F8: variants seen among roughly 807,000 people sequenced by gnomAD.
The protein encoded by F8 is coagulation factor VIII.
In F8, 12 loss-of-function variants were observed where a neutral mutation model predicts 140.6. The ratio of observed to expected loss-of-function variants is 0.09; its 90% CI spans 0.05 to 0.14. The LOEUF (loss-of-function observed/expected upper bound fraction) is 0.14, where lower values mean the gene tolerates loss of function less well. Among genes scored for constraint, F8 ranks in the 10% least tolerant of loss-of-function variants. The pLI is 1.00. For synonymous variants in F8, 585 were observed against 614.6 expected (o/e 0.95, Z 0.71); for missense variants, 1,354 against 1,720.7 (o/e 0.79, Z 3.77).
rs1557281997 is a variant in F8 at position 154,966,408 on chromosome X, T to C, written c.1271+18A>G. On this transcript the variant is annotated intron_variant, in intron 8 of 25. Coordinates refer to ENST00000360256, the MANE Select transcript of F8 (RefSeq NM_000132.4). ...GAGTATGGGGAAGAGAGAGTACCAATAGTCAAAAAGTGCTTACCTGTCATC... is the reference window on the plus strand; with the variant it reads ...GAGTATGGGGAAGAGAGAGTACCAACAGTCAAAAAGTGCTTACCTGTCATC... The C allele has an allele frequency of 1.1e-5, 13 of 1,210,014 alleles. No individual in the cohort carries two copies. Among genetic ancestry groups the C allele is most frequent in the Middle Eastern group, 2.3e-4 (1 of 4,338 alleles).
chrX:154,946,217 A>G (rs2073303494), intron 13 of F8, among the ~76,000 whole-genome samples: 1 of 112,386 alleles, frequency 8.9e-6, no homozygotes, highest in Non-Finnish European at 1.9e-5. Context: ...ACAGAAATAG[A>G]AAAAAGAATC....
At chrX:154,850,632 G>A (rs183096691) in intron 25 of F8, among the ~76,000 whole-genome samples, 60 of 110,166 alleles carry the variant, frequency 5.4e-4, no homozygotes, top group South Asian at 2.4e-3. Flanking sequence ...GGCCTCTCTC[G>A]TTGGCTTGTA....
intron 13 of F8, among the ~76,000 whole-genome samples, chrX:154,940,635 C>T (rs1177464128): frequency 9.0e-6 from 1 of 111,498 alleles, no homozygotes; most frequent in Non-Finnish European, 1.9e-5. Context: ...GCAAGGCAGG[C>T]CAACATTCAA....
rs137852467 is a variant in F8, at chrX:154,863,113, G to A, written c.6544C>T (p.Arg2182Cys). 2 of 1,209,335 alleles carry A rather than the reference G, an allele frequency of 1.7e-6. No individual in the cohort carries two copies. The highest frequency in any genetic ancestry group is 1.8e-5 in the African/African-American group (1 of 57,118). ...PTHYSIRSTL[R>C]MELMGCDLNS... Reference sequence around the variant, plus strand: ...AAATCACAGCCCATCAACTCCATGCGAAGAGTGCTGCGAATGCTATAATGA... The same window carrying A: ...AAATCACAGCCCATCAACTCCATGCAAAGAGTGCTGCGAATGCTATAATGA... The change falls in exon 23 of 26, where the codon CGC becomes TGC. Residue 2182 changes from arginine (R) to cysteine (C), a missense_variant. Transcript: ENST00000360256.
At chrX:154,879,243 G>A (rs782082667) in intron 22 of F8, among the ~76,000 whole-genome samples, 1 of 111,855 alleles carries the variant, frequency 8.9e-6, no homozygotes, top group Non-Finnish European at 1.9e-5. Context: ...TCAAAACTTC[G>A]TATAAAGCTA....
In F8 at chrX:154,836,803, C is replaced by G. The variant is rs1223054066; in HGVS notation, c.*794G>C. On this transcript the variant is annotated 3_prime_UTR_variant, in exon 26 of 26. Coordinates refer to ENST00000360256, the MANE Select transcript of F8 (RefSeq NM_000132.4). ...CAAAGCTTTCAACAATTGCATCCTC[C>G]TGACTTATTTTTTTATTGGTCAGAA... 8.9e-5 allele frequency: 10 copies of G among 111,886 alleles called. No homozygotes were observed. Among genetic ancestry groups the G allele is most frequent in the Non-Finnish European group, 1.9e-4 (10 of 53,200 alleles). 9.2% of individuals were successfully genotyped at this position (111,886 alleles called of 1,213,427 possible). A position where few individuals can be genotyped will look rare whatever the true frequency, so the allele number is the denominator to read the frequency against.
chrX:154,840,507 T>C (rs1225992364), intron 25 of F8, among the ~76,000 whole-genome samples: 1 of 111,760 alleles, frequency 8.9e-6, no homozygotes, highest in Non-Finnish European at 1.9e-5. Flanking sequence ...GACTGGAAAA[T>C]GGTAGTTAGA....
At chrX:154,879,337 T>C (rs1557274272) in intron 22 of F8, among the ~76,000 whole-genome samples, 1 of 112,031 alleles carries the variant, frequency 8.9e-6, no homozygotes, top group African/African-American at 3.3e-5. Flanking sequence ...AATAAACCCA[T>C]AAATATATTC....
At chrX:154,842,223 A>G (rs1283229807) in intron 25 of F8, among the ~76,000 whole-genome samples, 1 of 111,304 alleles carries the variant, frequency 9.0e-6, no homozygotes, top group Non-Finnish European at 1.9e-5. Flanking sequence ...AAAGTTTCTG[A>G]TATTATTTGT....
At chrX:154,974,264 T>C (rs1557282810) in intron 6 of F8, among the ~76,000 whole-genome samples, 1 of 112,101 alleles carries the variant, frequency 8.9e-6, no homozygotes. Flanking sequence ...GCTTTCAACT[T>C]TTCCCCACTC....
chrX:154,859,316 T>C (rs1214572105), intron 25 of F8, among the ~76,000 whole-genome samples: 6 of 107,894 alleles, frequency 5.6e-5, no homozygotes, highest in Admixed American at 4.0e-4. Context: ...TTTTTTTTTT[T>C]TTTTGAGATG....
intron 21 of F8, among the ~76,000 whole-genome samples, chrX:154,898,953 A>G (rs2072996447): frequency 8.9e-6 from 1 of 111,840 alleles, no homozygotes; most frequent in Non-Finnish European, 1.9e-5. Context: ...GCCCTCCCAA[A>G]TAAGAATGTT....
chrX:155,008,719 A>G (rs1001445483), intron 1 of F8, among the ~76,000 whole-genome samples: 16 of 109,430 alleles, frequency 1.5e-4, no homozygotes, highest in Non-Finnish European at 2.9e-4. Context: ...AAGACAGACC[A>G]CGCCCCTCTA....
intron 22 of F8, among the ~76,000 whole-genome samples, chrX:154,870,369 C>T (rs782732642): frequency 1.8e-5 from 2 of 112,192 alleles, no homozygotes; most frequent in African/African-American, 3.2e-5. Flanking sequence ...GGCTTCATCC[C>T]TGGGATGCAA....
chrX:154,917,607 G>A (rs1221036496), intron 14 of F8, among the ~76,000 whole-genome samples: 1 of 111,889 alleles, frequency 8.9e-6, no homozygotes, highest in African/African-American at 3.3e-5. Context: ...GATCTTGCAA[G>A]TGTTCTTCAT....
intron 13 of F8, among the ~76,000 whole-genome samples, chrX:154,942,544 G>C (rs1377761707): frequency 9.0e-6 from 1 of 111,267 alleles, no homozygotes; most frequent in Admixed American, 9.5e-5. Context: ...CAACCGAAAA[G>C]AGTCCAGGAC....
chrX:154,843,558 T>G (rs2072539352), intron 25 of F8, among the ~76,000 whole-genome samples: 1 of 112,468 alleles, frequency 8.9e-6, no homozygotes, highest in Non-Finnish European at 1.9e-5. Flanking sequence ...ATGATGAGCA[T>G]TTTTTCATGT....
chrX:154,979,159 G>A (rs2073503422), intron 6 of F8, among the ~76,000 whole-genome samples: 1 of 111,989 alleles, frequency 8.9e-6, no homozygotes, highest in South Asian at 3.7e-4. Context: ...CATGGTTGAT[G>A]GCAATCATAG....
intron 14 of F8, among the ~76,000 whole-genome samples, chrX:154,912,448 T>C (rs192632704): frequency 2.9e-4 from 33 of 112,687 alleles, no homozygotes; most frequent in African/African-American, 1.0e-3. Flanking sequence ...ACATCATTTA[T>C]TGAAGAGACT....
Sources: allele counts gnomAD v4.1 joint callset (sites outside exome capture counted in the v4.1 genomes callset), GRCh38; gene constraint gnomAD v4.1.1; transcripts MANE v1.5; gene names NCBI Gene and HGNC (gene_info 2026-07-23, HGNC 2026-07-21).